The following D2HGDH variants were observed in gnomAD, a reference collection of about 807,000 sequenced individuals.
D2HGDH encodes D-2-hydroxyglutarate dehydrogenase, mitochondrial.
A neutral mutation model predicts 46.9 loss-of-function variants in D2HGDH; 31 were observed. The observed-to-expected ratio is 0.66, with a 90% CI of 0.50 to 0.89. The LOEUF is 0.89. D2HGDH is among the 40% of genes least tolerant of loss of function. D2HGDH has a pLI of 0.00. For synonymous variants in D2HGDH, 364 were observed against 332.6 expected, an observed-to-expected ratio of 1.09 and a Z score of -1.03; for missense variants, 698 against 720.8, an observed-to-expected ratio of 0.97 and a Z score of 0.36.
At chr2:241,740,827 CCCAG>C (rs1694251848) in intron 2 of D2HGDH, among the ~76,000 whole-genome samples, 1 of 152,272 alleles carries the variant, frequency 6.6e-6, no homozygotes, top group African/African-American at 2.4e-5. Context: ...TGCCTATAAT[CCCAG>C]CTACTTGGGA....
At position 241,749,213 on chromosome 2, in the gene D2HGDH, C is replaced by T; in HGVS notation, c.854-938C>T. ...TCCAACACCACCACCACCTCCCACA[C>T]CCCAGCCCTCTACGCGTCTGCAGCC... is the stretch of plus-strand genomic sequence containing the variant. On this transcript the variant is annotated intron_variant, in intron 6 of 9. Coordinates refer to ENST00000321264, the MANE Select transcript of D2HGDH (RefSeq NM_152783.5). The T allele has an allele frequency of 1.4e-5, 14 of 1,005,004 alleles. No individual in the cohort carries two copies. In the South Asian group the frequency reaches 2.2e-4, roughly 16 times the overall value. 62.3% of individuals were successfully genotyped at this position (1,005,004 alleles called of 1,614,324 possible).
Position 241,768,001 on chromosome 2 carries a change from G to C in D2HGDH, c.*32G>C, listed in dbSNP as rs746481113. On this transcript the variant is annotated 3_prime_UTR_variant, in exon 10 of 10. Coordinates refer to ENST00000321264, the MANE Select transcript of D2HGDH (RefSeq NM_152783.5). The stretch of plus-strand genomic sequence containing the variant: ...CTCCTGCTGCTGCCAAGGCCCACTG[G>C]GGGTCGGCGGGTGGCTCTCGGGCGG... 1 of 1,556,666 alleles carries C rather than the reference G, an allele frequency of 6.4e-7. No individual in the cohort carries two copies.
chr2:241,752,430 C>T (rs1318210888), intron 8 of D2HGDH, among the ~76,000 whole-genome samples: 2 of 152,108 alleles, frequency 1.3e-5, no homozygotes, highest in African/African-American at 4.8e-5. Context: ...TGGACTGTGA[C>T]AGTCAGCTCC....
At chr2:241,750,700 G>T (rs527367502) in intron 7 of D2HGDH, among the ~76,000 whole-genome samples, 1 of 152,256 alleles carries the variant, frequency 6.6e-6, no homozygotes, top group African/African-American at 2.4e-5. Context: ...TTGGGGGATG[G>T]AGTTTCGCAC....
chr2:241,761,741 T>C (rs1327584798), intron 9 of D2HGDH, among the ~76,000 whole-genome samples: 1 of 152,136 alleles, frequency 6.6e-6, no homozygotes, highest in Admixed American at 6.5e-5. Context: ...CCTGTCACCA[T>C]GTCACCATCC....
Position 241,742,408 on chromosome 2 carries a change from C to T in D2HGDH, c.351-27C>T, listed in dbSNP as rs1694724787. ...GTGGCGTAGGGGTGGGGACAGAGCCCCAACGTCCCTCCTGTCCTCATCCCA... is the reference window on the plus strand; with the variant it reads ...GTGGCGTAGGGGTGGGGACAGAGCCTCAACGTCCCTCCTGTCCTCATCCCA... On this transcript the variant is annotated intron_variant, in intron 3 of 9. Coordinates refer to ENST00000321264, the MANE Select transcript of D2HGDH (RefSeq NM_152783.5). The surrounding 1 kb of genome is among the most constrained non-coding windows in gnomAD (Gnocchi z 4.8). The T allele has an allele frequency of 2.1e-5, 34 of 1,589,704 alleles. No individual in the cohort carries two copies. The highest frequency in any genetic ancestry group is 2.9e-5 in the Non-Finnish European group (34 of 1,167,168).
At position 241,767,869 on chromosome 2, in the gene D2HGDH, G is replaced by A; in HGVS notation, c.1466G>A (p.Ser489Asn). ...AGGAAGAGGGACGTCCTGGGCTACAGCAAGCCACCGGGGGCCCTGCAGCTC... is the reference window on the plus strand; with the variant it reads ...AGGAAGAGGGACGTCCTGGGCTACAACAAGCCACCGGGGGCCCTGCAGCTC... ...GFRKRDVLGY[S>N]KPPGALQLMQ... Residue 489 changes from serine to asparagine, a missense_variant, in exon 10 of 10, where the codon AGC becomes AAC. By Grantham distance (46) the Ser-to-Asn change is conservative (BLOSUM62 1). Transcript: ENST00000321264. 6.2e-7 allele frequency: 1 copy of A among 1,609,910 alleles called. No homozygotes were observed.
rs777081975 is a variant in D2HGDH at position 241,767,783 on chromosome 2, C to T, written c.1380C>T (p.His460=). 12 of 1,612,264 alleles carry T rather than the reference C, an allele frequency of 7.4e-6. No individual in the cohort carries two copies. Among genetic ancestry groups the T allele is most frequent in the Middle Eastern group, 3.3e-4 (2 of 6,078 alleles). The change falls in exon 10 of 10, where the codon CAC becomes CAT. Residue 460 remains histidine, a synonymous_variant. Transcript: ENST00000321264. ...SPSLLAALEP[H]VYEWTAGQQG... ...CGCTCCTGGCTGCCCTGGAGCCCCA[C>T]GTGTACGAGTGGACGGCCGGGCAGC... is the stretch of plus-strand genomic sequence containing the variant.
intron 6 of D2HGDH, chr2:241,749,883 C>T (rs994047402): frequency 1.9e-6 from 1 of 515,638 alleles, no homozygotes; most frequent in East Asian, 3.7e-5. Context: ...CTGGTGGTGA[C>T]ACCAGGCGTG....
At chr2:241,748,823 C>A in intron 6 of D2HGDH, 1 of 1,195,460 alleles carries the variant, frequency 8.4e-7, no homozygotes, top group Admixed American at 3.3e-5. Flanking sequence ...TCCTCTTCAT[C>A]CAGGTTTTCT....
chr2:241,746,137 CT>C (rs911801196), intron 6 of D2HGDH, among the ~76,000 whole-genome samples: 1 of 152,148 alleles, frequency 6.6e-6, no homozygotes, highest in Admixed American at 6.5e-5. Context: ...CAGATATTGT[CT>C]GTGTTTTCCT....
intron 9 of D2HGDH, 118 bp downstream of exon 9, chr2:241,756,132 T>C: frequency 7.2e-7 from 1 of 1,387,758 alleles, no homozygotes; most frequent in Non-Finnish European, 9.5e-7. Flanking sequence ...GCTTAGCATA[T>C]CTCCCGTAGA....
chr2:241,750,372 C>A (rs1234291170), intron 7 of D2HGDH, 78 bp downstream of exon 7: 3 of 1,492,326 alleles, frequency 2.0e-6, no homozygotes, highest in Non-Finnish European at 2.7e-6. Flanking sequence ...GGCTCAGAGA[C>A]CCCGGGTGGG....
chr2:241,760,854 C>T (rs1698739867), intron 9 of D2HGDH, among the ~76,000 whole-genome samples: 1 of 152,270 alleles, frequency 6.6e-6, no homozygotes. Context: ...TTAGCTCCCT[C>T]AGTCACATGA....
rs528317446 is a variant in D2HGDH, at chr2:241,752,990, G to A, written c.1140+1602G>A. On this transcript the variant is annotated intron_variant, in intron 8 of 9. Coordinates refer to ENST00000321264, the MANE Select transcript of D2HGDH (RefSeq NM_152783.5). ...CCCAGCCTCTGCACATCAGTCCCCA[G>A]CCCCTCCACAGCCTGGTCCAGTCCT... Among the ~76,000 whole-genome samples, 7 of 150,628 alleles carry A rather than the reference G, an allele frequency of 4.6e-5. No homozygotes were observed. In the East Asian group the frequency reaches 1.4e-3, roughly 29 times the overall value.
intron 8 of D2HGDH, 47 bp downstream of exon 8, chr2:241,751,435 C>T (rs773319376): frequency 1.9e-6 from 3 of 1,608,578 alleles, no homozygotes; most frequent in Non-Finnish European, 2.5e-6. Flanking sequence ...TCCGTCCAGT[C>T]CAGCCTTGTC....
Position 241,735,505 on chromosome 2 carries a change from G to C in D2HGDH, c.281G>C (p.Arg94Pro), listed in dbSNP as rs797045509. ...ALQAPNVDWL[R>P]TLRGCSKVLL... ...CAGGCTCCCAACGTGGACTGGTTGC[G>C]GACGCTGCGAGGTGGGTGAGGCTTG... The change falls in exon 2 of 10, where the codon CGG becomes CCG. Residue 94 changes from arginine (R) to proline (P), a missense_variant. Arg to Pro is a moderately radical substitution (Grantham distance 103). Transcript: ENST00000321264. 42 of 1,606,592 alleles carry C rather than the reference G, an allele frequency of 2.6e-5. No individual in the cohort carries two copies. The highest frequency in any genetic ancestry group is 3.6e-5 in the Non-Finnish European group (42 of 1,179,772).
At chr2:241,755,154 T>C (rs1025973834) in intron 8 of D2HGDH, 1 of 1,303,910 alleles carries the variant, frequency 7.7e-7, no homozygotes, top group Non-Finnish European at 1.0e-6. Flanking sequence ...CACCGTCTGC[T>C]CCTCCTCAGA....
chr2:241,761,681 A>G (rs907140684), intron 9 of D2HGDH, among the ~76,000 whole-genome samples: 2 of 152,184 alleles, frequency 1.3e-5, no homozygotes, highest in Non-Finnish European at 2.9e-5. Flanking sequence ...GGGCACCTGC[A>G]TGCTGTTCGG....
Sources: allele counts gnomAD v4.1 joint callset (sites outside exome capture counted in the v4.1 genomes callset), GRCh38; gene constraint gnomAD v4.1.1; non-coding constraint Gnocchi (gnomAD v3.1); transcripts MANE v1.5; gene names NCBI Gene and HGNC (gene_info 2026-07-23, HGNC 2026-07-21).